Variants in FGF14 observed in about 807,000 individuals in gnomAD.
FGF14 encodes the protein fibroblast growth factor 14.
A neutral mutation model predicts 25.5 loss-of-function variants in FGF14; 5 were observed. The observed-to-expected ratio is 0.20, with a 90% CI of 0.10 to 0.41. FGF14 has a LOEUF of 0.41. Among genes scored for constraint, FGF14 ranks in the 10% least tolerant of loss-of-function variants. The probability of loss-of-function intolerance (pLI) is 1.00; values close to 1 mark genes in which losing one functional copy is unlikely to be tolerated. For synonymous variants in FGF14, 138 were observed against 118.3 expected, an observed-to-expected ratio of 1.17 and a Z score of -1.08; for missense variants, 222 against 320.1, an observed-to-expected ratio of 0.69 and a Z score of 2.34.
intron 1 of FGF14, among the ~76,000 whole-genome samples, chr13:102,335,121 T>C (rs2056754777): frequency 6.6e-6 from 1 of 152,246 alleles, no homozygotes; most frequent in South Asian, 2.1e-4. Flanking sequence ...TAGCTCATGG[T>C]GACTTGTTAA....
intron 1 of FGF14, among the ~76,000 whole-genome samples, chr13:102,128,540 A>G (rs1294505642): frequency 6.6e-6 from 1 of 152,226 alleles, no homozygotes; most frequent in Non-Finnish European, 1.5e-5. Flanking sequence ...GCTTTTAACC[A>G]CATGACTCAC....
chr13:102,155,574 T>G (rs914374183), intron 1 of FGF14, among the ~76,000 whole-genome samples: 3 of 152,028 alleles, frequency 2.0e-5, no homozygotes, highest in African/African-American at 7.2e-5. Context: ...AGATCTAAAA[T>G]TGACACCCTA....
At chr13:101,934,131 T>G (rs1391733819) in intron 1 of FGF14, among the ~76,000 whole-genome samples, 2 of 152,232 alleles carry the variant, frequency 1.3e-5, no homozygotes, top group African/African-American at 4.8e-5. Context: ...TAAACAAGTG[T>G]GGTTGTTGCT....
chr13:101,847,158 T>C (rs2043507706), intron 3 of FGF14, among the ~76,000 whole-genome samples: 1 of 151,932 alleles, frequency 6.6e-6, no homozygotes, highest in African/African-American at 2.4e-5. Context: ...AGAATTTAGG[T>C]TAGAAATAAA....
chr13:101,792,060 T>C (rs2040266449), intron 3 of FGF14, among the ~76,000 whole-genome samples: 1 of 152,062 alleles, frequency 6.6e-6, no homozygotes, highest in Non-Finnish European at 1.5e-5. Context: ...ATCTAAATGA[T>C]TACAATAAAA....
At chr13:102,276,199 A>G (rs1226551577) in intron 1 of FGF14, among the ~76,000 whole-genome samples, 1 of 151,060 alleles carries the variant, frequency 6.6e-6, no homozygotes, top group Non-Finnish European at 1.5e-5. Context: ...AGTGAAAACC[A>G]TTGCACAGAT....
chr13:101,898,848 A>G (rs1180081929), intron 1 of FGF14, among the ~76,000 whole-genome samples: 2 of 152,206 alleles, frequency 1.3e-5, no homozygotes, highest in Non-Finnish European at 2.9e-5. Flanking sequence ...CCAGGAGTTA[A>G]GGGGCCAACA....
In FGF14 at chr13:101,877,834, C is replaced by G. The variant is rs574550749; in HGVS notation, c.194-2538G>C. Among the ~76,000 whole-genome samples, 9 of 152,266 alleles carry G rather than the reference C, an allele frequency of 5.9e-5. No homozygotes were observed. In the South Asian group the frequency reaches 1.9e-3, roughly 32 times the overall value. On this transcript the variant is annotated intron_variant, in intron 1 of 4. Coordinates refer to ENST00000376143, the MANE Select transcript of FGF14 (RefSeq NM_004115.4). ...GCCACATTTCCAATACATCTCTGCCCCATTAAAACCTTACCAAAATTGCTA... is the reference window on the plus strand; with the variant it reads ...GCCACATTTCCAATACATCTCTGCCGCATTAAAACCTTACCAAAATTGCTA...
chr13:102,364,909 C>G (rs1284375470), intron 1 of FGF14, among the ~76,000 whole-genome samples: 1 of 152,184 alleles, frequency 6.6e-6, no homozygotes, highest in Non-Finnish European at 1.5e-5. Flanking sequence ...TTAGTCATAA[C>G]ATCCATGTGG....
At chr13:101,957,633 T>G (rs2036592961) in intron 1 of FGF14, among the ~76,000 whole-genome samples, 1 of 152,194 alleles carries the variant, frequency 6.6e-6, no homozygotes, top group Non-Finnish European at 1.5e-5. Flanking sequence ...TGAGCAGATC[T>G]AACTCAGAGT....
intron 1 of FGF14, among the ~76,000 whole-genome samples, chr13:102,161,253 A>G (rs1288354947): frequency 6.6e-6 from 1 of 152,148 alleles, no homozygotes; most frequent in Non-Finnish European, 1.5e-5. Flanking sequence ...AGAGGAAAAA[A>G]GGAAGAGCGG....
intron 1 of FGF14, among the ~76,000 whole-genome samples, chr13:102,242,698 C>T (rs1439660167): frequency 1.3e-5 from 2 of 152,096 alleles, no homozygotes; most frequent in African/African-American, 4.8e-5. Context: ...CCAACATATG[C>T]TTTTGGGGGA....
intron 1 of FGF14, among the ~76,000 whole-genome samples, chr13:102,166,852 T>TA (rs1205130866): frequency 1.3e-5 from 2 of 152,166 alleles, no homozygotes; most frequent in Non-Finnish European, 2.9e-5. Context: ...CCTAGCCGTG[T>TA]ATTTCCTCTT....
intron 1 of FGF14, among the ~76,000 whole-genome samples, chr13:102,369,955 A>G (rs751331028): frequency 2.6e-5 from 4 of 152,146 alleles, no homozygotes; most frequent in Admixed American, 6.5e-5. Context: ...CTGCCTCAGA[A>G]TTACCCAGCA....
intron 3 of FGF14, among the ~76,000 whole-genome samples, chr13:101,749,801 T>C (rs1333443281): frequency 6.6e-6 from 1 of 152,150 alleles, no homozygotes; most frequent in Non-Finnish European, 1.5e-5. Context: ...TAAAAAATTA[T>C]AAACTATTGT....
chr13:101,753,547 G>A (rs940596945), intron 3 of FGF14, among the ~76,000 whole-genome samples: 4 of 152,138 alleles, frequency 2.6e-5, no homozygotes, highest in African/African-American at 9.7e-5. Context: ...GCTCACGCCT[G>A]TAATCCCAGC....
At chr13:102,107,170 A>AT (rs869083202) in intron 1 of FGF14, among the ~76,000 whole-genome samples, 13 of 152,132 alleles carry the variant, frequency 8.5e-5, no homozygotes, top group African/African-American at 2.9e-4. Context: ...TCCTAAACCT[A>AT]TTTTTTTAAA....
intron 3 of FGF14, among the ~76,000 whole-genome samples, chr13:101,856,523 T>C (rs1032024652): frequency 1.3e-4 from 19 of 151,948 alleles, no homozygotes; most frequent in South Asian, 4.1e-4. Flanking sequence ...AATATTTAAA[T>C]AATAATGTGG....
intron 1 of FGF14, among the ~76,000 whole-genome samples, chr13:101,935,268 G>A (rs1291733325): frequency 2.0e-5 from 3 of 152,160 alleles, no homozygotes; most frequent in African/African-American, 7.2e-5. Context: ...CAGCTGCTTG[G>A]GGCCCCTAGA....
Sources: gnomAD v4.1 joint callset for allele counts (sites outside exome capture counted in the v4.1 genomes callset) on GRCh38, gnomAD v4.1.1 for gene constraint, MANE v1.5 for transcripts, NCBI Gene and HGNC (gene_info 2026-07-23, HGNC 2026-07-21) for gene names.